IL13RA1: variants seen among roughly 807,000 people sequenced by gnomAD.
IL13RA1 encodes the protein interleukin 13 receptor subunit alpha 1.
A neutral mutation model predicts 33.8 loss-of-function variants in IL13RA1; 14 were observed. The ratio of observed to expected loss-of-function variants is 0.41; its 90% CI spans 0.27 to 0.65. IL13RA1 has a LOEUF of 0.65. Among genes scored for constraint, IL13RA1 ranks in the 30% least tolerant of loss-of-function variants. The pLI is 0.28. For synonymous variants in IL13RA1, 116 were observed against 115.7 expected (o/e 1.00, Z -0.02); for missense variants, 313 against 327.0 (o/e 0.96, Z 0.33).
chrX:118,777,714 C>T (rs1252744886), intron 10 of IL13RA1, among the ~76,000 whole-genome samples: 1 of 111,991 alleles, frequency 8.9e-6, no homozygotes, highest in African/African-American at 3.2e-5. Context: ...TGCAGATTCT[C>T]ATGCTAGAAT....
intron 4 of IL13RA1, among the ~76,000 whole-genome samples, chrX:118,756,320 T>C (rs1226656343): frequency 1.8e-5 from 2 of 111,126 alleles, no homozygotes; most frequent in Admixed American, 9.6e-5. Flanking sequence ...TCTGATAGCC[T>C]AGACTAAAAA....
chrX:118,764,877 A>G (rs1184992078), intron 6 of IL13RA1, among the ~76,000 whole-genome samples: 1 of 111,563 alleles, frequency 9.0e-6, no homozygotes, highest in Admixed American at 9.6e-5. Context: ...CTCTTTTTAA[A>G]AAGTTTTTAC....
chrX:118,761,586 T>G (rs2017591067), intron 6 of IL13RA1: 2 of 158,858 alleles, frequency 1.3e-5, no homozygotes, highest in Non-Finnish European at 1.2e-5. Context: ...AAGCACTCTT[T>G]TGTGTGCTAG....
intron 8 of IL13RA1, among the ~76,000 whole-genome samples, chrX:118,768,456 T>G (rs1231428355): frequency 9.0e-6 from 1 of 111,533 alleles, no homozygotes; most frequent in Non-Finnish European, 1.9e-5. Flanking sequence ...ACTCATATAG[T>G]TGTTGGAAAG....
At chrX:118,764,674 A>C (rs1302029521) in intron 6 of IL13RA1, among the ~76,000 whole-genome samples, 3 of 111,863 alleles carry the variant, frequency 2.7e-5, no homozygotes, top group Middle Eastern at 4.2e-3. Flanking sequence ...TATTTAAGCA[A>C]CAGATTTTCA....
At chrX:118,732,319 G>A (rs2017230556) in intron 1 of IL13RA1, among the ~76,000 whole-genome samples, 1 of 110,035 alleles carries the variant, frequency 9.1e-6, no homozygotes, top group South Asian at 3.8e-4. Flanking sequence ...TGTCTTTTTT[G>A]TGACTGGCTT....
intron 8 of IL13RA1, among the ~76,000 whole-genome samples, chrX:118,773,003 T>C (rs1272266377): frequency 1.8e-5 from 2 of 112,499 alleles, no homozygotes; most frequent in Admixed American, 9.5e-5. Flanking sequence ...AATTTTATTA[T>C]CAGTTTTTGT....
At position 118,745,868 on chromosome X, in the gene IL13RA1, T is replaced by G. The variant is rs375764910; in HGVS notation, c.229-1086T>G. Among the ~76,000 whole-genome samples the G allele has an allele frequency of 2.8e-4, 31 of 111,819 alleles. No homozygotes were observed. The East Asian group carries it at 3.4e-3, about 12-fold the overall frequency. ...AATTTCCCGGAGAGCCCATTAATCT[T>G]ATTATTCTCAGTCATAGTAACCAGA... On this transcript the variant is annotated intron_variant, in intron 2 of 10. Transcript: ENST00000371666.
chrX:118,767,421 G>A (rs1046942316), intron 8 of IL13RA1, among the ~76,000 whole-genome samples: 1 of 110,974 alleles, frequency 9.0e-6, no homozygotes, highest in East Asian at 2.8e-4. Flanking sequence ...CACGCTTGTG[G>A]TCTTGGCTAC....
At chrX:118,789,183 G>C (rs150068874) in intron 10 of IL13RA1, among the ~76,000 whole-genome samples, 9,996 of 112,008 alleles carry the variant, frequency 0.089, 510 homozygotes, top group Non-Finnish European at 0.14. Flanking sequence ...TTATGTAGAG[G>C]TTAAAATGAG....
chrX:118,748,952 G>A (rs1603210857), intron 3 of IL13RA1, among the ~76,000 whole-genome samples: 4 of 111,527 alleles, frequency 3.6e-5, no homozygotes, highest in South Asian at 7.7e-4. Context: ...GTCTTGTTCT[G>A]TTGTCCAGGC....
chrX:118,776,943 G>A (rs1477717490), intron 10 of IL13RA1, among the ~76,000 whole-genome samples: 1 of 107,447 alleles, frequency 9.3e-6, no homozygotes, highest in African/African-American at 3.4e-5. Context: ...CAGCCTGGAT[G>A]ACAGAGCGAG....
intron 6 of IL13RA1, among the ~76,000 whole-genome samples, chrX:118,764,875 A>T (rs185613606): frequency 5.7e-4 from 64 of 111,634 alleles, no homozygotes; most frequent in African/African-American, 1.8e-3. Flanking sequence ...GTCTCTTTTT[A>T]AAAAGTTTTT....
intron 4 of IL13RA1, among the ~76,000 whole-genome samples, chrX:118,754,951 T>C (rs867234469): frequency 4.8e-5 from 5 of 104,086 alleles, no homozygotes; most frequent in African/African-American, 1.8e-4. Flanking sequence ...TTTTTTTTTT[T>C]CTTTTTTTTT....
At chrX:118,769,943 G>C in intron 8 of IL13RA1, 1 of 180,499 alleles carries the variant, frequency 5.5e-6, no homozygotes, top group Non-Finnish European at 1.0e-5. Context: ...CATCAGCCTG[G>C]ACCTCTATTA....
At chrX:118,733,088 C>A (rs2147363075) in intron 1 of IL13RA1, among the ~76,000 whole-genome samples, 1 of 112,219 alleles carries the variant, frequency 8.9e-6, no homozygotes, top group East Asian at 2.8e-4. Flanking sequence ...TTAGCAATTT[C>A]ACAATACTAT....
At chrX:118,742,530 T>C (rs1242974847) in intron 2 of IL13RA1, among the ~76,000 whole-genome samples, 1 of 112,318 alleles carries the variant, frequency 8.9e-6, no homozygotes, top group Admixed American at 9.4e-5. Flanking sequence ...TTGTCAAGGA[T>C]CAATCAGGTA....
intron 10 of IL13RA1, among the ~76,000 whole-genome samples, chrX:118,784,146 T>TAC (rs1569459456): frequency 3.4e-5 from 3 of 89,081 alleles, no homozygotes; most frequent in African/African-American, 8.5e-5. Context: ...TATATATATA[T>TAC]ACGTATATAC....
chrX:118,755,633 C>T (rs1389186909), intron 4 of IL13RA1, among the ~76,000 whole-genome samples: 2 of 112,023 alleles, frequency 1.8e-5, no homozygotes, highest in Non-Finnish European at 3.8e-5. Context: ...ATTTCATTAT[C>T]TGAGATCCAT....
Sources: allele counts gnomAD v4.1 joint callset (sites outside exome capture counted in the v4.1 genomes callset), GRCh38; gene constraint gnomAD v4.1.1; transcripts MANE v1.5; gene names NCBI Gene and HGNC (gene_info 2026-07-23, HGNC 2026-07-21).